OSBPL10: variants seen among roughly 807,000 people sequenced by gnomAD.
OSBPL10 encodes oxysterol binding protein like 10.
A neutral mutation model predicts 81.7 loss-of-function variants in OSBPL10; 49 were observed. The observed-to-expected ratio is 0.60, with a 90% CI of 0.48 to 0.76. The LOEUF is 0.76. Among genes scored for constraint, OSBPL10 ranks in the 30% least tolerant of loss-of-function variants. The pLI is 0.00. For synonymous variants in OSBPL10, 419 were observed against 383.6 expected (o/e 1.09, Z -1.08); for missense variants, 923 against 987.8 (o/e 0.93, Z 0.88).
intron 2 of OSBPL10, among the ~76,000 whole-genome samples, chr3:32,017,362 A>G (rs2125543140): frequency 6.6e-6 from 1 of 152,302 alleles, no homozygotes; most frequent in South Asian, 2.1e-4. Context: ...CCTTTTATCA[A>G]GCTACACATT....
At chr3:31,864,292 G>C (rs1251306192) in intron 3 of OSBPL10, among the ~76,000 whole-genome samples, 1 of 152,036 alleles carries the variant, frequency 6.6e-6, no homozygotes, top group East Asian at 1.9e-4. Context: ...GCTGGAGTTG[G>C]AATGCAGTGG....
chr3:31,683,721 C>A lies in OSBPL10; in HGVS notation c.1639G>T (p.Glu547Ter). 6.2e-7 allele frequency: 1 copy of A among 1,614,184 alleles called. No individual in the cohort carries two copies. The highest frequency in any genetic ancestry group is 1.3e-5 in the African/African-American group (1 of 75,042). ...GTGTTGACGCACAGTCTCTTCTCCT[C>A]GCACTCACAGTAGAAGCAGGAGATG... ...PPISCFYCEC[E>*]EKRLCVNTHV... The change falls in exon 8 of 12, where the codon GAG (glutamate) becomes TAG (stop). Residue 547 changes from glutamate (E) to a stop codon, truncating the protein, a stop_gained. Transcript: ENST00000396556. LOFTEE classifies it high-confidence loss of function.
chr3:31,970,414 G>A (rs1200877786), intron 1 of OSBPL10, among the ~76,000 whole-genome samples: 3 of 152,174 alleles, frequency 2.0e-5, no homozygotes, highest in Admixed American at 2.0e-4. Context: ...TGGCCAGCAT[G>A]TCTATATTCC....
intron 2 of OSBPL10, among the ~76,000 whole-genome samples, chr3:31,877,429 T>C (rs1041563697): frequency 3.9e-5 from 6 of 152,304 alleles, no homozygotes; most frequent in African/African-American, 1.4e-4. Flanking sequence ...TGTCCTTCCA[T>C]CTATAACCTA....
chr3:31,903,742 G>A (rs188126309), intron 1 of OSBPL10, among the ~76,000 whole-genome samples: 2 of 152,254 alleles, frequency 1.3e-5, no homozygotes, highest in East Asian at 3.9e-4. Flanking sequence ...CCCCAGAGCT[G>A]TGTTCCTAAC....
At chr3:31,756,872 C>G (rs1384434156) in intron 4 of OSBPL10, among the ~76,000 whole-genome samples, 1 of 152,190 alleles carries the variant, frequency 6.6e-6, no homozygotes, top group Non-Finnish European at 1.5e-5. Context: ...AGGCCGCAGG[C>G]ATGACAGGCA....
At chr3:31,929,326 A>G (rs6796265) in intron 1 of OSBPL10, among the ~76,000 whole-genome samples, 74,124 of 152,102 alleles carry the variant, frequency 0.49, 18,306 homozygotes, top group East Asian at 0.7. Flanking sequence ...TCCCGTCAAC[A>G]TAATTAGACA....
chr3:31,802,150 G>C (rs1453917536), intron 4 of OSBPL10, among the ~76,000 whole-genome samples: 1 of 149,336 alleles, frequency 6.7e-6, no homozygotes, highest in African/African-American at 2.5e-5. Flanking sequence ...CAAAATGCTG[G>C]AATTACAGTC....
At chr3:31,749,630 C>A (rs183500434) in intron 4 of OSBPL10, among the ~76,000 whole-genome samples, 280 of 152,040 alleles carry the variant, frequency 1.8e-3, no homozygotes, top group Middle Eastern at 3.5e-3. Flanking sequence ...GCCTGGCCAA[C>A]ATGGTGAAAC....
At chr3:31,884,732 T>C (rs971755929) in intron 1 of OSBPL10, among the ~76,000 whole-genome samples, 1 of 152,156 alleles carries the variant, frequency 6.6e-6, no homozygotes, top group African/African-American at 2.4e-5. Flanking sequence ...TCCTGAAACA[T>C]TCTTAAAGAT....
chr3:31,713,605 C>T (rs1288528133), intron 6 of OSBPL10, among the ~76,000 whole-genome samples: 5 of 151,990 alleles, frequency 3.3e-5, no homozygotes, highest in Admixed American at 6.6e-5. Context: ...CCATGTTGCC[C>T]GAGCTGGTCT....
intron 4 of OSBPL10, among the ~76,000 whole-genome samples, chr3:31,815,727 C>T (rs1391273453): frequency 6.6e-6 from 1 of 152,160 alleles, no homozygotes; most frequent in Non-Finnish European, 1.5e-5. Flanking sequence ...AGGAACCTAA[C>T]ACCCTCTGGA....
At chr3:32,020,754 G>A (rs1239705235) in intron 2 of OSBPL10, among the ~76,000 whole-genome samples, 1 of 152,158 alleles carries the variant, frequency 6.6e-6, no homozygotes, top group Non-Finnish European at 1.5e-5. Flanking sequence ...ATAGAAGCGG[G>A]TAAGCAAGAG....
At chr3:31,679,976 T>C (rs1222067306) in intron 8 of OSBPL10, among the ~76,000 whole-genome samples, 2 of 152,148 alleles carry the variant, frequency 1.3e-5, no homozygotes, top group African/African-American at 2.4e-5. Flanking sequence ...CCGGAGCTCT[T>C]AGTTCACACA....
chr3:31,930,319 T>G (rs1370664748), intron 1 of OSBPL10, among the ~76,000 whole-genome samples: 1 of 152,190 alleles, frequency 6.6e-6, no homozygotes, highest in Non-Finnish European at 1.5e-5. Context: ...CTCTCAGATT[T>G]TCAACAGTTC....
In OSBPL10 at chr3:31,827,033, A is replaced by T. The variant is rs113213520; in HGVS notation, c.729+3007T>A. Among the ~76,000 whole-genome samples, 337 of 152,314 alleles carry T rather than the reference A, an allele frequency of 2.2e-3. 1 individual carries two copies. The Middle Eastern group carries it at 0.027, about 12-fold the overall frequency. On this transcript the variant is annotated intron_variant, in intron 4 of 11. Coordinates refer to ENST00000396556, the MANE Select transcript of OSBPL10 (RefSeq NM_017784.5). ...AGCTGAAGAAATATACTGTCACCCA[A>T]GAGTACAAAAGCCAAACCAAATGGC...
chr3:31,681,231 T>G (rs1427181963), intron 8 of OSBPL10, among the ~76,000 whole-genome samples: 1 of 152,198 alleles, frequency 6.6e-6, no homozygotes, highest in Non-Finnish European at 1.5e-5. Context: ...TGCTGATTAC[T>G]AGACCTGCAT....
chr3:31,922,645 T>C (rs1696951629), intron 1 of OSBPL10, among the ~76,000 whole-genome samples: 1 of 152,038 alleles, frequency 6.6e-6, no homozygotes. Context: ...AAATCTGAAA[T>C]TGTTCTAAAA....
At chr3:31,919,707 G>A (rs1406075316) in intron 1 of OSBPL10, among the ~76,000 whole-genome samples, 1 of 152,210 alleles carries the variant, frequency 6.6e-6, no homozygotes, top group African/African-American at 2.4e-5. Flanking sequence ...AGTTCACAGA[G>A]CAGGAGGAAT....
Sources: allele counts gnomAD v4.1 joint callset (sites outside exome capture counted in the v4.1 genomes callset), GRCh38; gene constraint gnomAD v4.1.1; transcripts MANE v1.5; gene names NCBI Gene and HGNC (gene_info 2026-07-23, HGNC 2026-07-21).